MRC1: variants seen among roughly 807,000 people sequenced by gnomAD.
MRC1 encodes the protein macrophage mannose receptor 1.
MRC1 carries 62 observed loss-of-function variants against 102.9 expected under a neutral mutation model. The observed-to-expected ratio is 0.60, with a 90% confidence interval of 0.49 to 0.74. MRC1 has a LOEUF of 0.74. Ranked by LOEUF, MRC1 falls within the 30% of genes least tolerant of loss-of-function variation. The pLI, the probability that MRC1 is intolerant of heterozygous loss-of-function variation, is 0.00. For synonymous variants in MRC1, 457 were observed against 298.4 expected (o/e 1.53, Z -5.48); for missense variants, 1,237 against 862.8 (o/e 1.43, Z -5.43).
chr10:17,842,795 C>T (rs950507377), intron 5 of MRC1, among the ~76,000 whole-genome samples: 16 of 152,080 alleles, frequency 1.1e-4, no homozygotes, highest in African/African-American at 2.9e-4. Flanking sequence ...AGAAAACTTC[C>T]GGGTTAACTT....
At chr10:17,854,283 G>A (rs1356294567) in intron 8 of MRC1, among the ~76,000 whole-genome samples, 1 of 152,126 alleles carries the variant, frequency 6.6e-6, no homozygotes, top group Non-Finnish European at 1.5e-5. Context: ...TGCATGTGTG[G>A]TACACAGTTC....
chr10:17,881,236 A>C, intron 21 of MRC1, 55 bp downstream of exon 21: 1 of 760,930 alleles, frequency 1.3e-6, no homozygotes, highest in Middle Eastern at 2.5e-4. Flanking sequence ...TTCTGACTGC[A>C]AAATGGTAAA....
intron 14 of MRC1, among the ~76,000 whole-genome samples, chr10:17,871,148 C>T (rs1833349716): frequency 6.6e-6 from 1 of 152,078 alleles, no homozygotes; most frequent in Admixed American, 6.5e-5. Context: ...TTGATATTCC[C>T]ACTAATAATG....
chr10:17,862,648 A>G (rs1299748575), intron 10 of MRC1, among the ~76,000 whole-genome samples: 1 of 152,162 alleles, frequency 6.6e-6, no homozygotes, highest in Non-Finnish European at 1.5e-5. Context: ...TCGAGTTTGG[A>G]ACTTTTAATT....
At chr10:17,894,408 T>C in intron 23 of MRC1, 96 bp downstream of exon 23, 3 of 694,732 alleles carry the variant, frequency 4.3e-6, no homozygotes, top group Non-Finnish European at 2.5e-6. Flanking sequence ...TTTTTTTTTT[T>C]TTTTTTTTTG....
chr10:17,833,829 A>G lies in MRC1; in HGVS notation c.792A>G (p.Thr264=), dbSNP rs782286485. The change falls in exon 4 of 30, where the codon ACA becomes ACG. Residue 264 remains threonine (T), a synonymous_variant. Transcript: ENST00000569591. ...LLSITEIHEQ[T]YLTGLTSSLT... is the part of the protein sequence containing the mutation. ...GCATCACAGAGATTCATGAGCAAACATACCTGACAGGTAAGGACATGAAAA... is the reference window on the plus strand; with the variant it reads ...GCATCACAGAGATTCATGAGCAAACGTACCTGACAGGTAAGGACATGAAAA... The G allele has an allele frequency of 2.6e-6, 2 of 781,126 alleles. No individual in the cohort carries two copies. The highest frequency in any genetic ancestry group is 2.7e-5 in the South Asian group (2 of 74,624). The allele number at this position is 781,126 out of a possible 1,614,324, so 48.4% of individuals were successfully genotyped here.
At chr10:17,861,040 T>C (rs1833177330) in intron 9 of MRC1, among the ~76,000 whole-genome samples, 1 of 152,256 alleles carries the variant, frequency 6.6e-6, no homozygotes, top group Non-Finnish European at 1.5e-5. Context: ...CTGGGCACAG[T>C]GGCTCACGCC....
chr10:17,876,678 C>T (rs1458690236), intron 17 of MRC1, among the ~76,000 whole-genome samples: 10 of 152,102 alleles, frequency 6.6e-5, no homozygotes, highest in Non-Finnish European at 8.8e-5. Context: ...CAGTCCTGGA[C>T]CCTTTGTGTA....
At chr10:17,863,192 CATTGTATTTTAAAAT>C in intron 10 of MRC1, 1 of 259,910 alleles carries the variant, frequency 3.8e-6, no homozygotes, top group Non-Finnish European at 7.4e-6. Flanking sequence ...TTTTTTAAAA[CATTGTATTTTAAAAT>C]GCATTAGTTT....
chr10:17,869,096 C>T (rs1007868409), intron 12 of MRC1, among the ~76,000 whole-genome samples: 3 of 151,982 alleles, frequency 2.0e-5, no homozygotes, highest in Non-Finnish European at 2.9e-5. Flanking sequence ...GGAGAATTTT[C>T]GGGTGGATGT....
chr10:17,827,604 A>T lies in MRC1; in HGVS notation c.526A>T (p.Asn176Tyr). The T allele has an allele frequency of 1.3e-6, 1 of 780,868 alleles. No homozygotes were observed. The highest frequency in any genetic ancestry group is 2.4e-6 in the Non-Finnish European group (1 of 417,966). The allele number at this position is 780,868 out of a possible 1,614,324, so 48.4% of individuals were successfully genotyped here. A position where few individuals can be genotyped will look rare whatever the true frequency, so the allele number is the denominator to read the frequency against. The change falls in exon 3 of 30, where the codon AAC becomes TAC. Residue 176 changes from asparagine (N) to tyrosine (Y), a missense_variant. Asn to Tyr is a moderately radical substitution (Grantham distance 143). Transcript: ENST00000569591. Reference sequence around the variant, plus strand: ...CTGTGCATTCCCGTTCAAGTTTGAAAACAAGTGGTACGCAGATTGCACGAG... The same window carrying T: ...CTGTGCATTCCCGTTCAAGTTTGAATACAAGTGGTACGCAGATTGCACGAG... ...ATCAFPFKFE[N>Y]KWYADCTSAG...
At chr10:17,843,775 CAAAACTTT>C (rs1439368456) in intron 5 of MRC1, among the ~76,000 whole-genome samples, 5 of 152,168 alleles carry the variant, frequency 3.3e-5, no homozygotes, top group African/African-American at 1.2e-4. Context: ...AGAATACCAC[CAAAACTTT>C]AAAAAGGTTA....
chr10:17,852,524 A>T (rs1227618275), intron 7 of MRC1, among the ~76,000 whole-genome samples: 1 of 152,226 alleles, frequency 6.6e-6, no homozygotes, highest in African/African-American at 2.4e-5. Context: ...TGTTATTTGA[A>T]AACATTCATC....
At chr10:17,843,939 G>C (rs2130631182) in intron 5 of MRC1, among the ~76,000 whole-genome samples, 1 of 152,296 alleles carries the variant, frequency 6.6e-6, no homozygotes, top group East Asian at 1.9e-4. Flanking sequence ...CATTCACCCT[G>C]TCTTCAGGTG....
At chr10:17,873,849 T>C (rs1038582845) in intron 16 of MRC1, 24 bp downstream of exon 16, 2 of 872,256 alleles carry the variant, frequency 2.3e-6, no homozygotes, top group East Asian at 2.4e-5. Context: ...TATTTTCTGA[T>C]CTCTGTACTG....
chr10:17,845,617 C>T (rs980078711), intron 6 of MRC1, among the ~76,000 whole-genome samples, 182 bp downstream of exon 6: 13 of 152,062 alleles, frequency 8.5e-5, no homozygotes, highest in Non-Finnish European at 1.3e-4. Flanking sequence ...GAGTGTGCGG[C>T]GGTGTCTGGG....
chr10:17,909,090 CAG>C (rs1225234148), intron 28 of MRC1, among the ~76,000 whole-genome samples: 2 of 152,058 alleles, frequency 1.3e-5, no homozygotes, highest in Admixed American at 6.6e-5. Context: ...ATGGCTCAGA[CAG>C]AGAGACAGAT....
intron 26 of MRC1, among the ~76,000 whole-genome samples, chr10:17,903,585 A>C (rs1434060122): frequency 1.4e-4 from 21 of 151,428 alleles, no homozygotes; most frequent in Admixed American, 7.2e-4. Flanking sequence ...TAGTAGAGAC[A>C]GAGTTTCACA....
intron 22 of MRC1, among the ~76,000 whole-genome samples, chr10:17,892,014 G>T (rs1466328497): frequency 1.3e-5 from 2 of 152,178 alleles, no homozygotes; most frequent in Non-Finnish European, 2.9e-5. Flanking sequence ...AGACAGGAAA[G>T]CTAGAGAGGC....
Sources: allele counts gnomAD v4.1 joint callset (sites outside exome capture counted in the v4.1 genomes callset), GRCh38; gene constraint gnomAD v4.1.1; transcripts MANE v1.5; gene names NCBI Gene and HGNC (gene_info 2026-07-23, HGNC 2026-07-21).